PDE4DIP: variants seen among roughly 807,000 people sequenced by gnomAD.
PDE4DIP encodes the protein myomegalin.
PDE4DIP carries 59 observed loss-of-function variants against 221.4 expected under a neutral mutation model. That is an observed-to-expected ratio of 0.27 (90% CI 0.22 to 0.33). PDE4DIP has a LOEUF of 0.33. Ranked by LOEUF, PDE4DIP falls within the 10% of genes least tolerant of loss-of-function variation. The pLI, the probability that PDE4DIP is intolerant of heterozygous loss-of-function variation, is 1.00. For missense variants in PDE4DIP, 1,036 were observed against 2,154.2 expected, an observed-to-expected ratio of 0.48 and a Z score of 10.28; for synonymous variants, 404 against 815.9, an observed-to-expected ratio of 0.50 and a Z score of 8.60.
At chr1:148,824,525 G>A (rs1412007344) in intron 1 of PDE4DIP, among the ~76,000 whole-genome samples, 1 of 93,530 alleles carries the variant, frequency 1.1e-5, no homozygotes, top group African/African-American at 4.3e-5. Flanking sequence ...AATTACACAA[G>A]GGTTTGATGA....
At position 148,981,241 on chromosome 1, in the gene PDE4DIP, C is replaced by T. The variant is rs149483498; in HGVS notation, c.2688-29C>T. ...CTCACTACAGTTGATGGCTAATCCA[C>T]TTTCCTTCCATGTGGCATGTTTAAT... is the stretch of plus-strand genomic sequence containing the variant. On this transcript the variant is annotated intron_variant, in intron 20 of 43. Coordinates refer to ENST00000369354, the Ensembl canonical transcript of PDE4DIP. The T allele has an allele frequency of 1.6e-3, 2,530 of 1,611,058 alleles. 38 individuals carry two copies. In the African/African-American group the frequency reaches 0.031, roughly 19 times the overall value.
intron 1 of PDE4DIP, among the ~76,000 whole-genome samples, chr1:148,927,703 C>T (rs1327110646): frequency 4.0e-5 from 6 of 151,556 alleles, no homozygotes; most frequent in South Asian, 2.1e-4. Flanking sequence ...GATCTAAAGA[C>T]TTCTTTACTA....
intron 1 of PDE4DIP, among the ~76,000 whole-genome samples, chr1:148,927,229 T>C (rs1553466360): frequency 6.6e-6 from 1 of 152,046 alleles, no homozygotes; most frequent in Non-Finnish European, 1.5e-5. Flanking sequence ...AGGGCTATCA[T>C]TCCTTCTTTT....
chr1:148,940,971 AC>A (rs1216972099), intron 5 of PDE4DIP, among the ~76,000 whole-genome samples: 1 of 145,636 alleles, frequency 6.9e-6, no homozygotes, highest in African/African-American at 2.5e-5. Context: ...GGAATTTGGT[AC>A]AATACTTTGT....
At chr1:148,983,573 A>G (rs2061448048) in intron 21 of PDE4DIP, 1 of 152,538 alleles carries the variant, frequency 6.6e-6, no homozygotes, top group Non-Finnish European at 1.5e-5. Context: ...TTGGCATCTG[A>G]TTAGAGAGCA....
chr1:148,844,308 C>G, intron 1 of PDE4DIP, 120 bp from the exon 1 acceptor site: 2 of 626,492 alleles, frequency 3.2e-6, no homozygotes, highest in Non-Finnish European at 4.2e-6. Context: ...CGGGGAGACG[C>G]GAGGGTGGTT....
intron 1 of PDE4DIP, among the ~76,000 whole-genome samples, chr1:148,822,457 G>A (rs1175676261): frequency 3.4e-5 from 5 of 148,492 alleles, no homozygotes; most frequent in African/African-American, 7.4e-5. Flanking sequence ...TGTGAACTGG[G>A]CATATGAGGG....
chr1:148,823,684 C>G (rs1229138860), intron 1 of PDE4DIP, among the ~76,000 whole-genome samples: 1 of 150,352 alleles, frequency 6.7e-6, no homozygotes, highest in Non-Finnish European at 1.5e-5. Flanking sequence ...GCTATATCAA[C>G]CTTGACTTTG....
chr1:148,979,905 CTA>C, intron 20 of PDE4DIP, 56 bp downstream of exon 23: 1 of 1,578,122 alleles, frequency 6.3e-7, no homozygotes, highest in Admixed American at 1.7e-5. Context: ...ATTTCTTTTA[CTA>C]TTGTATTTAT....
exon 44 of PDE4DIP, chr1:149,032,052 G>A (rs1055312): frequency 1.2e-6 from 2 of 1,610,812 alleles, no homozygotes; most frequent in Admixed American, 3.3e-5. Flanking sequence ...CAGGAAAGGT[G>A]GGCCTGTCCC....
At chr1:148,979,934 T>C in intron 20 of PDE4DIP, 85 bp downstream of exon 23, 1 of 1,489,200 alleles carries the variant, frequency 6.7e-7, no homozygotes, top group South Asian at 1.2e-5. Context: ...TATTCTTCAT[T>C]AAGTGCAGAT....
chr1:148,987,104 A>C (rs368272399), intron 21 of PDE4DIP, among the ~76,000 whole-genome samples: 10 of 152,326 alleles, frequency 6.6e-5, no homozygotes, highest in East Asian at 3.9e-4. Context: ...CTTTTCAAGT[A>C]ACTTAAAACA....
In PDE4DIP at chr1:148,862,256, T is replaced by C. The variant is rs1160133554; in HGVS notation, c.234-994T>C. 3.3e-5 allele frequency among the ~76,000 whole-genome samples: 5 copies of C among 151,326 alleles called. 1 individual carries two copies. Among genetic ancestry groups the C allele is most frequent in the Non-Finnish European group, 5.9e-5 (4 of 67,796 alleles). ...GTCTCCCCTTACTGTAAAAATTCCA[T>C]GAGTGCAGGGATTTTTGTCTGTTTT... On this transcript the variant is annotated intron_variant, in intron 1 of 45. Coordinates refer to the PDE4DIP transcript ENST00000524974.
intron 5 of PDE4DIP, chr1:148,938,538 T>C (rs185928035): frequency 6.6e-6 from 1 of 152,218 alleles, no homozygotes; most frequent in African/African-American, 2.4e-5. Context: ...TCAAGTGATT[T>C]ATAATTATAT....
chr1:148,994,888 C>A (rs1271757744), intron 22 of PDE4DIP, among the ~76,000 whole-genome samples: 2 of 149,978 alleles, frequency 1.3e-5, no homozygotes, highest in Admixed American at 1.3e-4. Context: ...ATAGGTGAGC[C>A]TATGTGGTAT....
intron 1 of PDE4DIP, among the ~76,000 whole-genome samples, chr1:148,915,257 C>T (rs1196618880): frequency 1.8e-4 from 28 of 152,300 alleles, no homozygotes; most frequent in Admixed American, 5.9e-4. Context: ...AAGCGATCCT[C>T]CTGCCTCAGC....
At chr1:149,013,191 G>C (rs2069174314) in intron 32 of PDE4DIP, among the ~76,000 whole-genome samples, 1 of 152,156 alleles carries the variant, frequency 6.6e-6, no homozygotes. Flanking sequence ...ATGTTTTTCT[G>C]CTGTGAAATG....
chr1:149,016,936 C>G (rs1370553408), intron 33 of PDE4DIP, among the ~76,000 whole-genome samples: 5 of 152,238 alleles, frequency 3.3e-5, no homozygotes, highest in Admixed American at 6.5e-5. Flanking sequence ...GCTCCCTGAC[C>G]CTGCAAATAT....
intron 21 of PDE4DIP, chr1:148,990,393 T>G: frequency 1.0e-6 from 1 of 973,632 alleles, no homozygotes; most frequent in Non-Finnish European, 1.2e-6. Flanking sequence ...GGAGATAAGG[T>G]AAGCCCCTTA....
Sources: allele counts gnomAD v4.1 joint callset (sites outside exome capture counted in the v4.1 genomes callset), GRCh38; gene constraint gnomAD v4.1.1; transcripts MANE v1.5; gene names NCBI Gene and HGNC (gene_info 2026-07-23, HGNC 2026-07-21).